Variants in HMGN5 observed in about 807,000 individuals in gnomAD.
HMGN5 encodes high mobility group nucleosome-binding domain-containing protein 5.
HMGN5 carries 4 observed loss-of-function variants against 9.5 expected under a neutral mutation model. The observed-to-expected ratio is 0.42, with a 90% CI of 0.21 to 0.96. The LOEUF (loss-of-function observed/expected upper bound fraction) is 0.96, where lower values mean the gene tolerates loss of function less well. Ranked by LOEUF, HMGN5 falls within the 40% of genes least tolerant of loss-of-function variation. The pLI is 0.30. For synonymous variants in HMGN5, 55 were observed against 57.1 expected (o/e 0.96, Z 0.16); for missense variants, 192 against 187.5 (o/e 1.02, Z -0.14).
chrX:81,116,052 A>G, intron 6 of HMGN5, 152 bp downstream of exon 6: 1 of 396,293 alleles, frequency 2.5e-6, no homozygotes, highest in South Asian at 5.3e-5. Flanking sequence ...TTTTAAGTTA[A>G]TTTTATTTTC....
chrX:81,147,523 T>A (rs1440755998), intron 1 of HMGN5, among the ~76,000 whole-genome samples: 1 of 111,594 alleles, frequency 9.0e-6, no homozygotes. Context: ...ACAGCCAATA[T>A]CATACTAAGT....
intron 1 of HMGN5, among the ~76,000 whole-genome samples, chrX:81,184,583 T>C (rs1250262475): frequency 1.8e-5 from 2 of 110,938 alleles, no homozygotes; most frequent in Non-Finnish European, 3.8e-5. Context: ...TTTGCTTTGT[T>C]TTGTCTTTGT....
intron 1 of HMGN5, among the ~76,000 whole-genome samples, chrX:81,184,528 C>T (rs1951608394): frequency 9.0e-6 from 1 of 110,618 alleles, no homozygotes; most frequent in Non-Finnish European, 1.9e-5. Context: ...TATTTTCTCC[C>T]ACTGGGTGGG....
Position 81,116,419 on chromosome X carries a change from C to T in HMGN5, c.130-78G>A, listed in dbSNP as rs143325725. 5.2e-4 allele frequency: 357 copies of T among 684,995 alleles called. 1 individual carries two copies. The African/African-American group carries it at 6.8e-3, about 13-fold the overall frequency. The allele number at this position is 684,995 out of a possible 1,213,427, so 56.5% of individuals were successfully genotyped here. Reference sequence around the variant, plus strand: ...TGATTAAATGGTCACAATTATTTTACCAGCTGTTGTAATAATTTATGCAAA... The same window carrying T: ...TGATTAAATGGTCACAATTATTTTATCAGCTGTTGTAATAATTTATGCAAA... On this transcript the variant is annotated intron_variant, in intron 5 of 6. Coordinates refer to ENST00000358130, the MANE Select transcript of HMGN5 (RefSeq NM_030763.3).
intron 1 of HMGN5, among the ~76,000 whole-genome samples, chrX:81,179,779 A>G (rs1480056102): frequency 1.8e-5 from 2 of 111,868 alleles, no homozygotes; most frequent in Non-Finnish European, 3.8e-5. Context: ...AGCTGGAGGC[A>G]TCATGCTACC....
chrX:81,166,548 TC>T (rs1473582047), intron 1 of HMGN5, among the ~76,000 whole-genome samples: 2 of 111,574 alleles, frequency 1.8e-5, no homozygotes, highest in Non-Finnish European at 3.8e-5. Flanking sequence ...ATGATCTTTA[TC>T]AGTTTAAAAG....
chrX:81,181,717 T>C (rs181788030), intron 1 of HMGN5, among the ~76,000 whole-genome samples: 1 of 112,035 alleles, frequency 8.9e-6, no homozygotes, highest in African/African-American at 3.2e-5. Flanking sequence ...TTTCTGTGCC[T>C]GGCTTATTTT....
chrX:81,153,634 T>C (rs1348874683), intron 1 of HMGN5, among the ~76,000 whole-genome samples: 1 of 53,998 alleles, frequency 1.9e-5, no homozygotes, highest in African/African-American at 7.3e-5. Context: ...TATATATATA[T>C]ATATATGTAT....
intron 1 of HMGN5, among the ~76,000 whole-genome samples, chrX:81,144,745 A>G (rs1407574881): frequency 9.0e-6 from 1 of 111,416 alleles, no homozygotes; most frequent in Non-Finnish European, 1.9e-5. Context: ...GAAGCTAGGA[A>G]CCTTGAAAAA....
rs1602588053 is a variant in HMGN5 at position 81,201,743 on chromosome X, C to G, written c.-130G>C. 7.7e-6 allele frequency: 1 copy of G among 129,598 alleles called. No individual in the cohort carries two copies. The highest frequency in any genetic ancestry group is 1.5e-5 in the Non-Finnish European group (1 of 64,525). The allele number at this position is 129,598 out of a possible 1,213,427, so 10.7% of individuals were successfully genotyped here. On this transcript the variant is annotated 5_prime_UTR_variant, in exon 1 of 7. Transcript: ENST00000358130. ...ACATGGGTTTTCAACATACAGCTTG[C>G]TCTTTCAGGATCTGTCTTCTTATTT...
intron 1 of HMGN5, among the ~76,000 whole-genome samples, chrX:81,161,229 T>C (rs1194386945): frequency 9.0e-6 from 1 of 110,876 alleles, no homozygotes; most frequent in African/African-American, 3.3e-5. Context: ...ATGAGTACCC[T>C]CAAAATTATT....
chrX:81,155,075 G>GTACATATATATA (rs1240182564), intron 1 of HMGN5, among the ~76,000 whole-genome samples: 4 of 68,982 alleles, frequency 5.8e-5, no homozygotes, highest in African/African-American at 2.2e-4. Context: ...GTATATATCA[G>GTACATATATATA]TATATATATA....
At chrX:81,150,280 T>A (rs2075357115) in intron 1 of HMGN5, among the ~76,000 whole-genome samples, 1 of 111,950 alleles carries the variant, frequency 8.9e-6, no homozygotes, top group Non-Finnish European at 1.9e-5. Context: ...TAAAAACACA[T>A]GTGCTGGGTG....
chrX:81,185,423 GT>G lies in HMGN5; in HGVS notation c.-124+16313del, dbSNP rs755265707. Among the ~76,000 whole-genome samples, 7 of 111,312 alleles carry G rather than the reference GT, an allele frequency of 6.3e-5. No homozygotes were observed. In the East Asian group the frequency reaches 2.0e-3, roughly 31 times the overall value. On this transcript the variant is annotated intron_variant, in intron 1 of 6. Coordinates refer to ENST00000358130, the MANE Select transcript of HMGN5 (RefSeq NM_030763.3). Reference sequence around the variant, plus strand: ...TGACTTATTTTTCAGATTGTTTTCTGTTGCCATATGGAAATGCTAGCAGTTA... The same window carrying G: ...TGACTTATTTTTCAGATTGTTTTCTGTGCCATATGGAAATGCTAGCAGTTA...
At chrX:81,176,980 C>A (rs1053700848) in intron 1 of HMGN5, among the ~76,000 whole-genome samples, 1 of 109,831 alleles carries the variant, frequency 9.1e-6, no homozygotes, top group Non-Finnish European at 1.9e-5. Context: ...AAGAGCAAGA[C>A]ACATAATTGT....
Position 81,114,735 on chromosome X carries a change from C to A in HMGN5, c.763G>T (p.Asp255Tyr), listed in dbSNP as rs746781261. The change falls in exon 7 of 7, where the codon GAT (aspartate) becomes TAT (tyrosine). Residue 255 changes from aspartate to tyrosine, a missense_variant. Transcript: ENST00000358130. ...NEEEAGKEKE[D>Y]LKEEEEGKEE... ...TTTCCTTCTTCCTCTTCTTTTAAAT[C>A]TTCTTTCTCTTTTCCAGCTTCTTCC... 1.1e-4 allele frequency: 124 copies of A among 1,158,521 alleles called. No homozygotes were observed. The highest frequency in any genetic ancestry group is 1.4e-4 in the Non-Finnish European group (118 of 869,923).
chrX:81,180,106 G>A (rs980117900), intron 1 of HMGN5, among the ~76,000 whole-genome samples: 9 of 111,720 alleles, frequency 8.1e-5, no homozygotes, highest in African/African-American at 2.9e-4. Flanking sequence ...AACCCTAGAA[G>A]AAAACCTAGG....
intron 1 of HMGN5, among the ~76,000 whole-genome samples, chrX:81,199,855 A>G (rs984281912): frequency 1.2e-4 from 14 of 112,486 alleles, no homozygotes; most frequent in Non-Finnish European, 1.9e-4. Flanking sequence ...AGCAATGGCA[A>G]CAAAAGCCAA....
intron 1 of HMGN5, among the ~76,000 whole-genome samples, chrX:81,176,415 C>T (rs979397860): frequency 9.0e-6 from 1 of 111,375 alleles, no homozygotes; most frequent in African/African-American, 3.3e-5. Flanking sequence ...AGCAACGGAG[C>T]AAAGCTGGAC....
Sources: allele counts gnomAD v4.1 joint callset (sites outside exome capture counted in the v4.1 genomes callset), GRCh38; gene constraint gnomAD v4.1.1; transcripts MANE v1.5; gene names NCBI Gene and HGNC (gene_info 2026-07-23, HGNC 2026-07-21).